The following ADGB variants were observed in gnomAD, a reference collection of about 807,000 sequenced individuals.
The protein encoded by ADGB is calpain-7-like protein.
Under a neutral mutation model 210.5 loss-of-function variants are expected in ADGB, and 172 were observed. The ratio of observed to expected loss-of-function variants is 0.82; its 90% CI spans 0.72 to 0.93. The LOEUF is 0.93. Ranked by LOEUF, ADGB falls within the 40% of genes least tolerant of loss-of-function variation. The pLI, the probability that ADGB is intolerant of heterozygous loss-of-function variation, is 0.00. For missense variants in ADGB, 2,025 were observed against 1,964.8 expected (o/e 1.03, Z -0.58); for synonymous variants, 658 against 662.7 (o/e 0.99, Z 0.11).
At chr6:146,789,525 G>A (rs111511727) in intron 33 of ADGB, among the ~76,000 whole-genome samples, 50 of 152,272 alleles carry the variant, frequency 3.3e-4, no homozygotes, top group African/African-American at 1.1e-3. Context: ...AGTGTTTAAA[G>A]CTAAAGTATG....
chr6:146,684,187 G>A (rs1447742526), intron 9 of ADGB, among the ~76,000 whole-genome samples: 3 of 152,044 alleles, frequency 2.0e-5, no homozygotes, highest in African/African-American at 7.2e-5. Context: ...TTCCTAAGGT[G>A]TAGACAGCCA....
chr6:146,721,054 C>G (rs1776805947), intron 16 of ADGB, among the ~76,000 whole-genome samples: 1 of 152,178 alleles, frequency 6.6e-6, no homozygotes, highest in Admixed American at 6.5e-5. Context: ...TCCTGCCCAT[C>G]AAAGACCCAT....
At chr6:146,808,967 G>T (rs1778256966) in intron 35 of ADGB, among the ~76,000 whole-genome samples, 1 of 151,912 alleles carries the variant, frequency 6.6e-6, no homozygotes, top group Admixed American at 6.6e-5. Context: ...GGCCGCGAAG[G>T]CCTCGAGCTG....
Position 146,808,806 on chromosome 6 carries a change from AT to A in ADGB, c.4819-6216del, listed in dbSNP as rs200994029. 8.0e-3 allele frequency among the ~76,000 whole-genome samples: 1,205 copies of A among 150,130 alleles called. 15 individuals carry two copies. The highest frequency in any genetic ancestry group is 0.055 in the East Asian group (284 of 5,140). ...CTCCTGGACTCAAGCCATCCTCCTAATTTTTTTTTTGAGATGGAGTTTCACT... is the reference window on the plus strand; with the variant it reads ...CTCCTGGACTCAAGCCATCCTCCTAATTTTTTTTTGAGATGGAGTTTCACT... On this transcript the variant is annotated intron_variant, in intron 35 of 35. Coordinates refer to ENST00000397944, the MANE Select transcript of ADGB (RefSeq NM_024694.4).
In ADGB at chr6:146,672,404, T is replaced by A; in HGVS notation, c.1024T>A (p.Phe342Ile). The A allele has an allele frequency of 6.4e-7, 1 of 1,551,142 alleles. No homozygotes were observed. The highest frequency in any genetic ancestry group is 8.7e-7 in the Non-Finnish European group (1 of 1,146,766). ...DGKEVKDVKE[F>I]KPESSLTTLK... ...AAAGGAAGTAAAAGACGTGAAGGAA[T>A]TCAAACCTGAAAGTTCTTTGACAAC... is the stretch of plus-strand genomic sequence containing the variant. Residue 342 changes from phenylalanine (F) to isoleucine (I), a missense_variant, in exon 8 of 36, where the codon TTC (phenylalanine) becomes ATC (isoleucine). Transcript: ENST00000397944.
chr6:146,786,807 A>AT (rs797017078), intron 32 of ADGB, among the ~76,000 whole-genome samples: 9 of 152,016 alleles, frequency 5.9e-5, no homozygotes, highest in African/African-American at 1.7e-4. Flanking sequence ...TAGATTTATT[A>AT]TTTTTTTTAT....
chr6:146,673,512 G>A (rs1359020497), intron 8 of ADGB, among the ~76,000 whole-genome samples: 1 of 151,906 alleles, frequency 6.6e-6, no homozygotes, highest in Non-Finnish European at 1.5e-5. Flanking sequence ...TAGGACTTTA[G>A]GACTTATAAT....
intron 30 of ADGB, among the ~76,000 whole-genome samples, chr6:146,782,399 T>C (rs1159389289): frequency 6.6e-6 from 1 of 152,212 alleles, no homozygotes; most frequent in Non-Finnish European, 1.5e-5. Context: ...ATTAAACCTT[T>C]AGTATGTAGA....
At chr6:146,669,354 A>G (rs554273509) in intron 7 of ADGB, among the ~76,000 whole-genome samples, 1 of 152,172 alleles carries the variant, frequency 6.6e-6, no homozygotes, top group South Asian at 2.1e-4. Flanking sequence ...TCCTCAGGAA[A>G]AAAAATCTTA....
intron 31 of ADGB, among the ~76,000 whole-genome samples, chr6:146,785,066 G>T (rs892835238): frequency 6.6e-6 from 1 of 152,068 alleles, no homozygotes; most frequent in Non-Finnish European, 1.5e-5. Context: ...CTTTCACATA[G>T]CCCTGGCTTT....
At chr6:146,679,977 A>G (rs536265644) in intron 9 of ADGB, among the ~76,000 whole-genome samples, 1 of 152,186 alleles carries the variant, frequency 6.6e-6, no homozygotes, top group African/African-American at 2.4e-5. Flanking sequence ...TCAGTATCAT[A>G]GTAACTTTAA....
chr6:146,813,071 C>G (rs532093466), intron 35 of ADGB, among the ~76,000 whole-genome samples: 1 of 152,112 alleles, frequency 6.6e-6, no homozygotes, highest in African/African-American at 2.4e-5. Context: ...AATGACCTGT[C>G]TCGCAGAAAA....
At chr6:146,617,870 G>T (rs1469376768) in intron 1 of ADGB, among the ~76,000 whole-genome samples, 1 of 151,814 alleles carries the variant, frequency 6.6e-6, no homozygotes, top group East Asian at 1.9e-4. Flanking sequence ...AACAACATGG[G>T]GCTTAGAGCA....
chr6:146,788,354 C>A (rs1334309519), intron 32 of ADGB, 35 bp from the exon 33 acceptor site: 1 of 1,535,506 alleles, frequency 6.5e-7, no homozygotes. Context: ...TCATGGAACG[C>A]CAGCTTTTTC....
At chr6:146,781,823 G>A (rs1458215584) in intron 29 of ADGB, among the ~76,000 whole-genome samples, 197 bp from the exon 30 acceptor site, 1 of 152,124 alleles carries the variant, frequency 6.6e-6, no homozygotes, top group East Asian at 1.9e-4. Flanking sequence ...CTCACTCAAT[G>A]GTGAGTGTTT....
intron 29 of ADGB, among the ~76,000 whole-genome samples, chr6:146,771,862 G>A (rs1777657498): frequency 6.6e-6 from 1 of 152,182 alleles, no homozygotes; most frequent in Admixed American, 6.5e-5. Flanking sequence ...AGGACTGGTA[G>A]ATTTTACATT....
intron 17 of ADGB, among the ~76,000 whole-genome samples, chr6:146,721,984 C>G (rs548166103): frequency 2.0e-5 from 3 of 152,032 alleles, no homozygotes; most frequent in Non-Finnish European, 4.4e-5. Context: ...AGGGATTATG[C>G]CCACTGCTGC....
At chr6:146,661,548 G>A (rs116092441) in intron 5 of ADGB, among the ~76,000 whole-genome samples, 2,408 of 151,902 alleles carry the variant, frequency 0.016, 61 homozygotes, top group African/African-American at 0.053. Context: ...CATTTCCTGT[G>A]TATATATTGA....
chr6:146,767,530 G>A (rs762557649), intron 28 of ADGB, among the ~76,000 whole-genome samples: 2 of 151,992 alleles, frequency 1.3e-5, no homozygotes, highest in East Asian at 1.9e-4. Context: ...AGGCAATGGC[G>A]TGATCTCAGC....
Sources: allele counts gnomAD v4.1 joint callset (sites outside exome capture counted in the v4.1 genomes callset), GRCh38; gene constraint gnomAD v4.1.1; transcripts MANE v1.5; gene names NCBI Gene and HGNC (gene_info 2026-07-23, HGNC 2026-07-21).